YBEY: variants seen among roughly 807,000 people sequenced by gnomAD.
YBEY encodes the protein endoribonuclease YbeY.
A neutral mutation model predicts 13.5 loss-of-function variants in YBEY; 15 were observed. That is an observed-to-expected ratio of 1.11 (90% CI 0.75 to 1.72). YBEY has a LOEUF of 1.72. Among genes scored for constraint, YBEY ranks in the 40% most tolerant of loss-of-function variants. The probability of loss-of-function intolerance (pLI) is 0.00; values close to 1 mark genes in which losing one functional copy is unlikely to be tolerated. For missense variants in YBEY, 244 were observed against 208.4 expected (o/e 1.17, Z -1.05); for synonymous variants, 101 against 83.1 (o/e 1.21, Z -1.17).
downstream of YBEY, chr21:46,302,008 G>T: frequency 6.5e-7 from 1 of 1,531,964 alleles, no homozygotes; most frequent in Non-Finnish European, 8.8e-7. Context: ...CTCAGGGTGG[G>T]CCAGGCGTCC....
At chr21:46,295,931 G>C (rs1601601888) in intron 3 of YBEY, among the ~76,000 whole-genome samples, 1 of 152,126 alleles carries the variant, frequency 6.6e-6, no homozygotes, top group East Asian at 1.9e-4. Context: ...CACAGTGCTG[G>C]CCCAGACAGC....
the YBEY span, among the ~76,000 whole-genome samples, chr21:46,309,654 A>G: frequency 2.0e-5 from 3 of 152,128 alleles, no homozygotes; most frequent in African/African-American, 7.2e-5. Flanking sequence ...TGCTGAGAGA[A>G]GCCATACAAA....
At chr21:46,297,450 T>A in intron 4 of YBEY, 89 bp from the exon 5 acceptor site, 2 of 1,234,260 alleles carry the variant, frequency 1.6e-6, no homozygotes, top group South Asian at 2.6e-5. Flanking sequence ...CCCCAAACCC[T>A]GTGGGAGGGG....
At chr21:46,296,529 C>T (rs551619847) in intron 4 of YBEY, among the ~76,000 whole-genome samples, 2 of 152,278 alleles carry the variant, frequency 1.3e-5, no homozygotes, top group South Asian at 2.1e-4. Flanking sequence ...AGACCCAGGG[C>T]GGAGGCGGGA....
chr21:46,302,322 CTCATCTGGG>C (rs2082142606), downstream of YBEY, among the ~76,000 whole-genome samples: 1 of 152,232 alleles, frequency 6.6e-6, no homozygotes, highest in Admixed American at 6.5e-5. Flanking sequence ...CAACCCATTC[CTCATCTGGG>C]CTGGGACTCG....
the YBEY span, among the ~76,000 whole-genome samples, chr21:46,302,970 C>T: frequency 3.3e-5 from 5 of 151,148 alleles, no homozygotes; most frequent in African/African-American, 1.2e-4. Context: ...GTACACGGTG[C>T]GGGTCCCCGG....
downstream of YBEY, chr21:46,300,526 A>T: frequency 1.9e-6 from 1 of 517,938 alleles, no homozygotes; most frequent in Non-Finnish European, 2.7e-6. Context: ...TTGAGCTTTT[A>T]ACGAGAGCAC....
intron 4 of YBEY, among the ~76,000 whole-genome samples, chr21:46,297,204 C>T (rs2041190358): frequency 1.3e-5 from 2 of 152,274 alleles, no homozygotes; most frequent in East Asian, 1.9e-4. Flanking sequence ...GAGGCTGAGG[C>T]AGGAGAATCG....
chr21:46,297,559 G>A lies in YBEY; in HGVS notation c.429G>A (p.Ala143=). The change falls in exon 5 of 5, where the codon GCG becomes GCA. Residue 143 remains alanine (A), a synonymous_variant. Transcript: ENST00000397701. ...EWQQMFQKEK[A]VLDELGRRTG... ...TCCAGATGTTCCAGAAGGAGAAGGC[G>A]GTGCTGGACGAGCTGGGCCGACGCA... 4 of 1,393,336 alleles carry A rather than the reference G, an allele frequency of 2.9e-6. No homozygotes were observed. The highest frequency in any genetic ancestry group is 3.0e-5 in the Admixed American group (1 of 33,454). The allele number at this position is 1,393,336 out of a possible 1,614,324, so 86.3% of individuals were successfully genotyped here. A position where few individuals can be genotyped will look rare whatever the true frequency, so the allele number is the denominator to read the frequency against.
chr21:46,287,567 A>T (rs2145753295), intron 2 of YBEY, among the ~76,000 whole-genome samples: 1 of 152,340 alleles, frequency 6.6e-6, no homozygotes, highest in African/African-American at 2.4e-5. Flanking sequence ...TATGTTACAG[A>T]CATGATTTTT....
At chr21:46,288,015 G>A (rs539365226) in intron 2 of YBEY, among the ~76,000 whole-genome samples, 1 of 147,870 alleles carries the variant, frequency 6.8e-6, no homozygotes, top group Admixed American at 6.7e-5. Context: ...TCTGTCTCAG[G>A]AAAAAAAAAA....
chr21:46,293,023 TC>T, intron 3 of YBEY, among the ~76,000 whole-genome samples: 1 of 6,872 alleles, frequency 1.5e-4, no homozygotes, highest in Non-Finnish European at 2.7e-4. Flanking sequence ...TAGATTAAAT[TC>T]CTCCCGCGGT....
chr21:46,297,893 C>T (rs186074981), downstream of YBEY: 62 of 748,422 alleles, frequency 8.3e-5, no homozygotes, highest in East Asian at 2.3e-3. Context: ...AAGGGGGTCC[C>T]TGCCCGGAGC....
the YBEY span, among the ~76,000 whole-genome samples, chr21:46,309,044 C>T: frequency 5.4e-4 from 82 of 152,316 alleles, 2 homozygotes; most frequent in African/African-American, 1.2e-3. Flanking sequence ...TTTGGCCAGG[C>T]GCAGTGGCTC....
At chr21:46,298,433 G>GTTTTTTTTGTTTTTTT (rs1569107101), downstream of YBEY, among the ~76,000 whole-genome samples, 3 of 67,238 alleles carry the variant, frequency 4.5e-5, no homozygotes, top group African/African-American at 1.4e-4. Context: ...TTTAATCCAA[G>GTTTTTTTTGTTTTTTT]CTTTTTTTTT....
At chr21:46,310,682 G>A in the YBEY span, among the ~76,000 whole-genome samples, 1 of 150,036 alleles carries the variant, frequency 6.7e-6, no homozygotes, top group Non-Finnish European at 1.5e-5. Flanking sequence ...GGTGGTGCAG[G>A]CCTACAGTTC....
the YBEY span, among the ~76,000 whole-genome samples, chr21:46,311,899 C>T: frequency 2.0e-5 from 3 of 150,808 alleles, no homozygotes; most frequent in Non-Finnish European, 3.0e-5. Flanking sequence ...AACCAGCCAA[C>T]CAACCATTCA....
chr21:46,298,570 C>T (rs796886316), downstream of YBEY, among the ~76,000 whole-genome samples: 1 of 151,540 alleles, frequency 6.6e-6, no homozygotes, highest in African/African-American at 2.4e-5. Flanking sequence ...GCTGGGACTA[C>T]AGGCGCCCGC....
chr21:46,291,019 GAAAA>G (rs1232426831), intron 2 of YBEY, among the ~76,000 whole-genome samples: 2 of 130,000 alleles, frequency 1.5e-5, no homozygotes, highest in African/African-American at 5.9e-5. Flanking sequence ...TCTGTCTCAG[GAAAA>G]AAAAAAAAAA....
Sources: gnomAD v4.1 joint callset for allele counts (sites outside exome capture counted in the v4.1 genomes callset) on GRCh38, gnomAD v4.1.1 for gene constraint, MANE v1.5 for transcripts, NCBI Gene and HGNC (gene_info 2026-07-23, HGNC 2026-07-21) for gene names.